Variants in LRFN2 observed in about 807,000 individuals in gnomAD.
The protein encoded by LRFN2 is leucine rich repeat and fibronectin type III domain containing 2.
In LRFN2, 18 loss-of-function variants were observed where a neutral mutation model predicts 37.3. The ratio of observed to expected loss-of-function variants is 0.48; its 90% CI spans 0.33 to 0.72. The LOEUF is 0.72. Among genes scored for constraint, LRFN2 ranks in the 30% least tolerant of loss-of-function variants. The probability of loss-of-function intolerance (pLI) is 0.02; values close to 1 mark genes in which losing one functional copy is unlikely to be tolerated. For missense variants in LRFN2, 1,006 were observed against 1,060.7 expected (o/e 0.95, Z 0.72); for synonymous variants, 556 against 466.6 (o/e 1.19, Z -2.47).
At chr6:40,525,707 T>C (rs1427013310) in intron 1 of LRFN2, among the ~76,000 whole-genome samples, 1 of 152,098 alleles carries the variant, frequency 6.6e-6, no homozygotes, top group Non-Finnish European at 1.5e-5. Flanking sequence ...CTTCTTACTT[T>C]CCCCTTAGGT....
intron 1 of LRFN2, among the ~76,000 whole-genome samples, chr6:40,563,110 G>A (rs1767030023): frequency 1.3e-5 from 2 of 152,144 alleles, no homozygotes; most frequent in African/African-American, 4.8e-5. Flanking sequence ...TTGACTTGAA[G>A]CTGACAGGTG....
chr6:40,536,113 G>C (rs1766444766), intron 1 of LRFN2, among the ~76,000 whole-genome samples: 1 of 152,130 alleles, frequency 6.6e-6, no homozygotes, highest in Admixed American at 6.5e-5. Context: ...GGCAGAGCAG[G>C]AGACCCGGAA....
intron 1 of LRFN2, chr6:40,502,123 C>A (rs1250468222): frequency 6.6e-6 from 1 of 152,196 alleles, no homozygotes; most frequent in African/African-American, 2.4e-5. Flanking sequence ...AGCACCCTGT[C>A]TTTGCTACTT....
intron 2 of LRFN2, among the ~76,000 whole-genome samples, chr6:40,394,231 A>T (rs891360865): frequency 6.6e-6 from 1 of 151,728 alleles, no homozygotes; most frequent in African/African-American, 2.4e-5. Context: ...CACACCCTGA[A>T]CTCCAAGACC....
chr6:40,539,807 G>A (rs1395047384), intron 1 of LRFN2, among the ~76,000 whole-genome samples: 6 of 152,148 alleles, frequency 3.9e-5, no homozygotes, highest in African/African-American at 7.2e-5. Context: ...GGGAGGTTGC[G>A]GTCTTGGTTT....
intron 1 of LRFN2, among the ~76,000 whole-genome samples, chr6:40,577,106 T>TCTCTTCTCTTCTCTTCTCTTC (rs1441848756): frequency 8.7e-5 from 12 of 137,900 alleles, no homozygotes; most frequent in Admixed American, 2.9e-4. Context: ...TTCTTTTCCT[T>TCTCTTCTCTTCTCTTCTCTTC]TCTTTTCTTT....
At chr6:40,578,687 C>T (rs763805419) in intron 1 of LRFN2, among the ~76,000 whole-genome samples, 3 of 152,198 alleles carry the variant, frequency 2.0e-5, no homozygotes, top group Non-Finnish European at 4.4e-5. Context: ...CCACTAATAG[C>T]TCACACGTAT....
Position 40,547,977 on chromosome 6 carries a change from G to C in LRFN2, c.-19+38964C>G, listed in dbSNP as rs572078779. ...TGAATGTGTCTTCTGTTTCCTGATGGGACCCTGAACAATATGCAGCTTCAA... is the reference window on the plus strand; with the variant it reads ...TGAATGTGTCTTCTGTTTCCTGATGCGACCCTGAACAATATGCAGCTTCAA... On this transcript the variant is annotated intron_variant, in intron 1 of 2. Transcript: ENST00000338305. Among the ~76,000 whole-genome samples, 26 of 152,078 alleles carry C rather than the reference G, an allele frequency of 1.7e-4. No individual in the cohort carries two copies. In the South Asian group the frequency reaches 5.4e-3, roughly 32 times the overall value.
chr6:40,430,109 C>T (rs553133509), intron 2 of LRFN2, among the ~76,000 whole-genome samples: 7 of 152,242 alleles, frequency 4.6e-5, no homozygotes, highest in African/African-American at 1.2e-4. Flanking sequence ...CTATATGCCC[C>T]TATCTATATA....
At chr6:40,573,778 G>C (rs1488926623) in intron 1 of LRFN2, among the ~76,000 whole-genome samples, 1 of 152,204 alleles carries the variant, frequency 6.6e-6, no homozygotes, top group African/African-American at 2.4e-5. Context: ...ATGAGTTCGA[G>C]ACCAGCCTGG....
intron 1 of LRFN2, among the ~76,000 whole-genome samples, chr6:40,542,390 T>C (rs1353944876): frequency 2.0e-5 from 3 of 151,790 alleles, no homozygotes; most frequent in Admixed American, 6.6e-5. Flanking sequence ...AGGGATGAAC[T>C]CAGGAAGCAG....
At chr6:40,518,782 G>T (rs1765962043) in intron 1 of LRFN2, among the ~76,000 whole-genome samples, 1 of 152,192 alleles carries the variant, frequency 6.6e-6, no homozygotes, top group South Asian at 2.1e-4. Context: ...ACAGGACATG[G>T]CTTCTGCCCT....
chr6:40,577,722 T>A (rs900099020), intron 1 of LRFN2, among the ~76,000 whole-genome samples: 6 of 147,922 alleles, frequency 4.1e-5, no homozygotes, highest in Non-Finnish European at 1.5e-5. Context: ...CTGAGAATGA[T>A]GATTTCCAAT....
chr6:40,433,258 G>C, intron 1 of LRFN2, 127 bp from the exon 2 acceptor site: 1 of 666,296 alleles, frequency 1.5e-6, no homozygotes, highest in Non-Finnish European at 2.4e-6. Context: ...GCTCAAGCAA[G>C]ACCTAATCTC....
At chr6:40,546,696 T>C (rs2113919613) in intron 1 of LRFN2, among the ~76,000 whole-genome samples, 1 of 152,336 alleles carries the variant, frequency 6.6e-6, no homozygotes, top group African/African-American at 2.4e-5. Context: ...TTACTGAGTA[T>C]TGACTCTTCC....
chr6:40,463,061 T>A (rs1581724866), intron 1 of LRFN2, among the ~76,000 whole-genome samples: 1 of 152,198 alleles, frequency 6.6e-6, no homozygotes. Context: ...CTGGCTGGAA[T>A]GTGAATGTGA....
At chr6:40,586,432 A>G (rs1043158741) in intron 1 of LRFN2, among the ~76,000 whole-genome samples, 3 of 152,088 alleles carry the variant, frequency 2.0e-5, no homozygotes, top group Non-Finnish European at 4.4e-5. Flanking sequence ...ACAAACTGCA[A>G]CCATGCCTTC....
intron 2 of LRFN2, among the ~76,000 whole-genome samples, chr6:40,405,090 TC>T (rs1473151662): frequency 1.3e-5 from 2 of 152,224 alleles, no homozygotes; most frequent in East Asian, 3.8e-4. Flanking sequence ...CCCCCTCTGG[TC>T]CTTTGTTTCG....
At chr6:40,554,942 T>C (rs2113925107) in intron 1 of LRFN2, among the ~76,000 whole-genome samples, 1 of 152,368 alleles carries the variant, frequency 6.6e-6, no homozygotes, top group East Asian at 1.9e-4. Context: ...AAGCCATTTT[T>C]AATAATGTAT....
Sources: gnomAD v4.1 joint callset for allele counts (sites outside exome capture counted in the v4.1 genomes callset) on GRCh38, gnomAD v4.1.1 for gene constraint, MANE v1.5 for transcripts, NCBI Gene and HGNC (gene_info 2026-07-23, HGNC 2026-07-21) for gene names.